Variants in CERS3 observed in about 807,000 individuals in gnomAD.
The protein encoded by CERS3 is LAG1 homolog, ceramide synthase 3.
In CERS3, 33 loss-of-function variants were observed where a neutral mutation model predicts 50.3. That is an observed-to-expected ratio of 0.66 (90% CI 0.50 to 0.88). CERS3 has a LOEUF of 0.88. CERS3 is among the 40% of genes least tolerant of loss of function. The pLI, the probability that CERS3 is intolerant of heterozygous loss-of-function variation, is 0.00. For missense variants in CERS3, 470 were observed against 460.3 expected, an observed-to-expected ratio of 1.02 and a Z score of -0.19; for synonymous variants, 176 against 155.2, an observed-to-expected ratio of 1.13 and a Z score of -0.99.
At chr15:100,435,879 A>T (rs2033380267) in intron 11 of CERS3, among the ~76,000 whole-genome samples, 1 of 152,258 alleles carries the variant, frequency 6.6e-6, no homozygotes, top group Non-Finnish European at 1.5e-5. Context: ...AAAAGAGCTC[A>T]TCATCACTGG....
At chr15:100,431,809 A>G (rs539673438) in intron 11 of CERS3, among the ~76,000 whole-genome samples, 12 of 152,326 alleles carry the variant, frequency 7.9e-5, no homozygotes, top group African/African-American at 2.4e-4. Flanking sequence ...GTATTTTTCT[A>G]TTAACGCCCA....
intron 11 of CERS3, among the ~76,000 whole-genome samples, chr15:100,422,771 T>A (rs2032533984): frequency 7.3e-6 from 1 of 136,552 alleles, no homozygotes; most frequent in South Asian, 2.6e-4. Context: ...AATGATGAGT[T>A]CATGTCCTTT....
At chr15:100,504,463 G>A (rs550421518) in intron 2 of CERS3, among the ~76,000 whole-genome samples, 1 of 152,102 alleles carries the variant, frequency 6.6e-6, no homozygotes, top group African/African-American at 2.4e-5. Context: ...GTCTGGTCTT[G>A]AACTCCCAAC....
intron 11 of CERS3, among the ~76,000 whole-genome samples, chr15:100,442,461 G>C (rs1220156071): frequency 3.3e-5 from 5 of 152,160 alleles, no homozygotes; most frequent in African/African-American, 1.2e-4. Context: ...TCCACTGTGA[G>C]ACAAACCCCA....
chr15:100,479,565 T>C (rs529806611), intron 6 of CERS3, 87 bp from the exon 7 acceptor site: 1 of 948,964 alleles, frequency 1.1e-6, no homozygotes, highest in African/African-American at 1.7e-5. Context: ...ACCTAAGCTC[T>C]TCCTTATGTC....
In CERS3 at chr15:100,414,020, G is replaced by A. The variant is rs867831330; in HGVS notation, c.1000-11155C>T. Among the ~76,000 whole-genome samples, 7 of 152,136 alleles carry A rather than the reference G, an allele frequency of 4.6e-5. No individual in the cohort carries two copies. In the South Asian group the frequency reaches 1.0e-3, roughly 22 times the overall value. On this transcript the variant is annotated intron_variant, in intron 11 of 11. Coordinates refer to ENST00000679737, the MANE Select transcript of CERS3 (RefSeq NM_001378789.1). ...AGCCAAATTCTACCAGATGTATGAA[G>A]AAGAGCTGGTACCAATCCTACTGAA...
chr15:100,539,601 C>T (rs2037151651), intron 1 of CERS3, among the ~76,000 whole-genome samples: 1 of 152,156 alleles, frequency 6.6e-6, no homozygotes, highest in East Asian at 1.9e-4. Context: ...AGAACTTGCT[C>T]ACTATCATGA....
At chr15:100,436,756 C>CA (rs376894899) in intron 11 of CERS3, among the ~76,000 whole-genome samples, 252 of 151,200 alleles carry the variant, frequency 1.7e-3, no homozygotes, top group African/African-American at 4.6e-3. Flanking sequence ...TCTAAAAGTA[C>CA]AAAAAAAAGA....
intron 11 of CERS3, among the ~76,000 whole-genome samples, chr15:100,448,928 C>T (rs1226529683): frequency 6.6e-6 from 1 of 152,212 alleles, no homozygotes; most frequent in Non-Finnish European, 1.5e-5. Flanking sequence ...CTATCCACAG[C>T]TGCTACCTGG....
chr15:100,421,653 TG>T (rs1245814881), intron 11 of CERS3, among the ~76,000 whole-genome samples: 4 of 149,864 alleles, frequency 2.7e-5, no homozygotes, highest in Non-Finnish European at 5.9e-5. Flanking sequence ...AGAACAAAGC[TG>T]GAGGCATCAT....
rs145304873 is a variant in CERS3 at position 100,486,737 on chromosome 15, G to C, written c.289-2069C>G. Among the ~76,000 whole-genome samples, 808 of 152,332 alleles carry C rather than the reference G, an allele frequency of 5.3e-3. 3 individuals are homozygous for C. Among genetic ancestry groups the C allele is most frequent in the Admixed American group, 8.2e-3 (125 of 15,310 alleles). On this transcript the variant is annotated intron_variant, in intron 4 of 11. Coordinates refer to ENST00000679737, the MANE Select transcript of CERS3 (RefSeq NM_001378789.1). ...TCTGGGCCTAGCTTTACTATTTCAA[G>C]TGTTTTGCCATTCATTCATTTGAAA...
chr15:100,484,230 C>T (rs919279993), intron 5 of CERS3, among the ~76,000 whole-genome samples: 2 of 150,822 alleles, frequency 1.3e-5, no homozygotes, highest in African/African-American at 5.0e-5. Flanking sequence ...CCAGTTAAGA[C>T]ATTTTTATGA....
chr15:100,498,564 T>C (rs2035902318), intron 3 of CERS3, among the ~76,000 whole-genome samples: 1 of 152,160 alleles, frequency 6.6e-6, no homozygotes, highest in Non-Finnish European at 1.5e-5. Context: ...GTTAGGTTAA[T>C]TACCAGGGAA....
intron 11 of CERS3, among the ~76,000 whole-genome samples, chr15:100,422,247 AAAC>A (rs2032490797): frequency 4.0e-5 from 1 of 25,052 alleles, no homozygotes; most frequent in Non-Finnish European, 8.5e-5. Flanking sequence ...AGAAAAAAAC[AAAC>A]AACCCCATCA....
intron 2 of CERS3, among the ~76,000 whole-genome samples, chr15:100,511,411 A>G (rs866716028): frequency 2.0e-5 from 3 of 152,216 alleles, no homozygotes; most frequent in South Asian, 2.1e-4. Flanking sequence ...TCAATTTAAA[A>G]AAATAATCCA....
At chr15:100,409,801 C>T (rs768090898) in intron 11 of CERS3, among the ~76,000 whole-genome samples, 1 of 152,094 alleles carries the variant, frequency 6.6e-6, no homozygotes, top group Non-Finnish European at 1.5e-5. Flanking sequence ...TGGCCCTGAC[C>T]CCTTTACAAA....
chr15:100,499,820 G>A (rs2035943883), intron 3 of CERS3, among the ~76,000 whole-genome samples: 1 of 152,032 alleles, frequency 6.6e-6, no homozygotes, highest in Admixed American at 6.6e-5. Flanking sequence ...GGAGTCTTTC[G>A]CTGTGAAAGT....
chr15:100,427,875 C>A (rs1317373157), intron 11 of CERS3, among the ~76,000 whole-genome samples: 1 of 152,044 alleles, frequency 6.6e-6, no homozygotes, highest in Non-Finnish European at 1.5e-5. Context: ...AGGATGGGAA[C>A]AGTTTTACTG....
chr15:100,501,895 A>T (rs770142487), intron 2 of CERS3, 45 bp from the exon 3 acceptor site: 98 of 1,589,834 alleles, frequency 6.2e-5, no homozygotes, highest in Admixed American at 3.2e-4. Context: ...ACAAACACGT[A>T]ACTTTAGGAT....
Sources: gnomAD v4.1 joint callset for allele counts (sites outside exome capture counted in the v4.1 genomes callset) on GRCh38, gnomAD v4.1.1 for gene constraint, MANE v1.5 for transcripts, NCBI Gene and HGNC (gene_info 2026-07-23, HGNC 2026-07-21) for gene names.